RGN: variants seen among roughly 807,000 people sequenced by gnomAD.
RGN encodes the protein epididymis secretory protein Li 41.
A neutral mutation model predicts 20.6 loss-of-function variants in RGN; 19 were observed. That is an observed-to-expected ratio of 0.92 (90% CI 0.64 to 1.35). RGN has a LOEUF of 1.35. RGN is among the 40% of genes most tolerant of loss of function. The probability of loss-of-function intolerance (pLI) is 0.00; values close to 1 mark genes in which losing one functional copy is unlikely to be tolerated. For synonymous variants in RGN, 85 were observed against 87.2 expected, an observed-to-expected ratio of 0.97 and a Z score of 0.14; for missense variants, 302 against 232.7, an observed-to-expected ratio of 1.30 and a Z score of -1.94.
At position 47,087,705 on chromosome X, in the gene RGN, CAGG is replaced by C. The variant is rs782316910; in HGVS notation, c.347-2068_347-2066del. The C allele has an allele frequency of 3.7e-5, 4 of 107,854 alleles. No individual in the cohort carries two copies. In the East Asian group the frequency reaches 1.2e-3, roughly 31 times the overall value. The allele number at this position is 107,854 out of a possible 1,213,427, so 8.9% of individuals were successfully genotyped here. A position where few individuals can be genotyped will look rare whatever the true frequency, so the allele number is the denominator to read the frequency against. ...TCTAAGCATGGAGTCTCTGGGCCAT[CAGG>C]AGACCTCTTAAAATTGCAGGTGTCA... On this transcript the variant is annotated intron_variant, in intron 4 of 7. Coordinates refer to ENST00000397180, the MANE Select transcript of RGN (RefSeq NM_152869.4).
intron 3 of RGN, among the ~76,000 whole-genome samples, chrX:47,084,012 G>C (rs1433154263): frequency 9.0e-6 from 1 of 110,767 alleles, no homozygotes; most frequent in Non-Finnish European, 1.9e-5. Context: ...TTGTGTCTCT[G>C]AATTTTCTGG....
intron 4 of RGN, among the ~76,000 whole-genome samples, chrX:47,086,780 A>AGAGAGAGAGG (rs1217757247): frequency 1.0e-5 from 1 of 100,124 alleles, no homozygotes; most frequent in African/African-American, 4.1e-5. Flanking sequence ...AGAGAGAGAG[A>AGAGAGAGAGG]GAGAAAGAGA....
At position 47,081,252 on chromosome X, in the gene RGN, A is replaced by G. The variant is rs373577391; in HGVS notation, c.108A>G (p.Ala36=). ...CTCTGCTCTTTGTAGACATTCCTGCAAAAAAGGTTTGCCGGTGGGATTCAT... is the reference window on the plus strand; with the variant it reads ...CTCTGCTCTTTGTAGACATTCCTGCGAAAAAGGTTTGCCGGTGGGATTCAT... ...SNSLLFVDIP[A]KKVCRWDSFT... The change falls in exon 3 of 8, where the codon GCA becomes GCG. Residue 36 remains alanine (A), a synonymous_variant. Transcript: ENST00000397180. 8.3e-7 allele frequency: 1 copy of G among 1,207,753 alleles called. No individual in the cohort carries two copies. Among genetic ancestry groups the G allele is most frequent in the African/African-American group, 1.8e-5 (1 of 56,974 alleles).
chrX:47,079,534 G>A (rs945079567), intron 1 of RGN, among the ~76,000 whole-genome samples: 1 of 107,843 alleles, frequency 9.3e-6, no homozygotes, highest in South Asian at 4.1e-4. Context: ...GGGTTCAAAC[G>A]ATTCTCCTGC....
At chrX:47,090,909 GAAGAAGGAAAGAAAGAAAGA>G (rs1930929614) in intron 5 of RGN, among the ~76,000 whole-genome samples, 1 of 16,982 alleles carries the variant, frequency 5.9e-5, no homozygotes, top group Non-Finnish European at 1.5e-4. Context: ...AAGAAAGAAA[GAAGAAGGAAAGAAAGAAAGA>G]AAGAAAGAAA....
Position 47,093,154 on chromosome X carries a change from G to A in RGN, c.*207G>A, listed in dbSNP as rs181112823. ...CACACTTATAAGGCTTTCTGTAAAA[G>A]GTACTATAGAAGGGCGAAGAATCGT... On this transcript the variant is annotated 3_prime_UTR_variant, in exon 8 of 8. Transcript: ENST00000397180. The A allele has an allele frequency of 2.2e-4, 88 of 400,275 alleles. No individual in the cohort carries two copies. Among genetic ancestry groups the A allele is most frequent in the Admixed American group, 1.4e-3 (30 of 21,083 alleles). 33.0% of individuals were successfully genotyped at this position (400,275 alleles called of 1,213,427 possible).
At chrX:47,090,916 GA>G (rs1182293752) in intron 5 of RGN, among the ~76,000 whole-genome samples, 25 of 5,938 alleles carry the variant, frequency 4.2e-3, no homozygotes, top group African/African-American at 0.011. Context: ...AAAGAAGAAG[GA>G]AAGAAAGAAA....
At position 47,093,189 on chromosome X, in the gene RGN, AATCAGCCTCTTG is replaced by A; in HGVS notation, c.*245_*256del. 2.7e-6 allele frequency: 1 copy of A among 367,748 alleles called. No individual in the cohort carries two copies. The highest frequency in any genetic ancestry group is 4.7e-6 in the Non-Finnish European group (1 of 213,900). The allele number at this position is 367,748 out of a possible 1,213,427, so 30.3% of individuals were successfully genotyped here. ...AAGGGCGAAGAATCGTTCAACTGTC[AATCAGCCTCTTG>A]ATTCTTTGTAAATTGCCAGGGTGGG... On this transcript the variant is annotated 3_prime_UTR_variant, in exon 8 of 8. Transcript: ENST00000397180.
At chrX:47,089,721 C>G in intron 4 of RGN, 55 bp from the exon 5 acceptor site, 6 of 932,336 alleles carry the variant, frequency 6.4e-6, no homozygotes, top group Non-Finnish European at 9.0e-6. Context: ...AGGATGGTGT[C>G]GTGCATGGGG....
rs983258225 is a variant in RGN at position 47,093,229 on chromosome X, G to T, written c.*282G>T. On this transcript the variant is annotated 3_prime_UTR_variant, in exon 8 of 8. Transcript: ENST00000397180. ...TCTTTGTAAATTGCCAGGGTGGGTG[G>T]GTACATATCTCTTCTTGATTCTGCA... 6.7e-6 allele frequency: 2 copies of T among 299,454 alleles called. No individual in the cohort carries two copies. Among genetic ancestry groups the T allele is most frequent in the Non-Finnish European group, 1.2e-5 (2 of 173,563 alleles). 24.7% of individuals were successfully genotyped at this position (299,454 alleles called of 1,213,427 possible). A position where few individuals can be genotyped will look rare whatever the true frequency, so the allele number is the denominator to read the frequency against.
chrX:47,091,912 C>T lies in RGN; in HGVS notation c.694+103C>T, dbSNP rs1012431461. The T allele has an allele frequency of 1.6e-5, 17 of 1,045,844 alleles. No individual in the cohort carries two copies. The African/African-American group carries it at 3.2e-4, about 20-fold the overall frequency. 86.2% of individuals were successfully genotyped at this position (1,045,844 alleles called of 1,213,427 possible). A position where few individuals can be genotyped will look rare whatever the true frequency, so the allele number is the denominator to read the frequency against. On this transcript the variant is annotated intron_variant, in intron 6 of 7. Coordinates refer to ENST00000397180, the MANE Select transcript of RGN (RefSeq NM_152869.4). ...TTTCCTGTAGAGGTGCGACTTTTTG[C>T]TCAAAATAAATTGTCAGGGAAAGTA...
At chrX:47,084,737 T>C in intron 4 of RGN, 137 bp downstream of exon 4, 1 of 504,899 alleles carries the variant, frequency 2.0e-6, no homozygotes, top group Non-Finnish European at 3.2e-6. Flanking sequence ...GTAGGTCGCA[T>C]GAGCCCAGGA....
intron 4 of RGN, among the ~76,000 whole-genome samples, chrX:47,088,824 G>C (rs782687687): frequency 1.9e-5 from 2 of 105,456 alleles, no homozygotes; most frequent in South Asian, 8.9e-4. Context: ...AGTCCCAGCT[G>C]CTCAGAGGCG....
chrX:47,089,893 G>T lies in RGN; in HGVS notation c.464G>T (p.Gly155Val), dbSNP rs1556386689. 4.1e-6 allele frequency: 5 copies of T among 1,208,698 alleles called. No homozygotes were observed. Among genetic ancestry groups the T allele is most frequent in the Non-Finnish European group, 5.6e-6 (5 of 893,788 alleles). ...KYFDQVDISN[G>V]LDWSLDHKIF... ...TTTGACCAGGTGGACATTTCCAATG[G>T]TTTGGATTGGTCGCTAGACCACAAA... Residue 155 changes from glycine (G) to valine (V), a missense_variant, in exon 5 of 8, where the codon GGT (glycine) becomes GTT (valine). Coordinates refer to ENST00000397180, the MANE Select transcript of RGN (RefSeq NM_152869.4).
At chrX:47,091,903 G>A (rs1556388059) in intron 6 of RGN, 94 bp downstream of exon 6, 3 of 1,057,728 alleles carry the variant, frequency 2.8e-6, no homozygotes, top group East Asian at 3.0e-5. Context: ...GTAGAGGTGC[G>A]ACTTTTTGCT....
chrX:47,085,317 G>C (rs1449599303), intron 4 of RGN, among the ~76,000 whole-genome samples: 1 of 111,090 alleles, frequency 9.0e-6, no homozygotes, highest in Non-Finnish European at 1.9e-5. Flanking sequence ...CAGGAGATTT[G>C]AGACCATCCT....
At position 47,081,271 on chromosome X, in the gene RGN, G is replaced by T. The variant is rs1930288280; in HGVS notation, c.127G>T (p.Asp43Tyr). 1 of 1,210,938 alleles carries T rather than the reference G, an allele frequency of 8.3e-7. No homozygotes were observed. Reference protein sequence around the residue: ...DIPAKKVCRWDSFTKQVQRVT... With the variant: ...DIPAKKVCRWYSFTKQVQRVT... ...TCCTGCAAAAAAGGTTTGCCGGTGGGATTCATTCACCAAGCAAGTACAGCG... is the reference window on the plus strand; with the variant it reads ...TCCTGCAAAAAAGGTTTGCCGGTGGTATTCATTCACCAAGCAAGTACAGCG... The change falls in exon 3 of 8, where the codon GAT becomes TAT. Residue 43 changes from aspartate (D) to tyrosine (Y), a missense_variant. Coordinates refer to ENST00000397180, the MANE Select transcript of RGN (RefSeq NM_152869.4).
intron 3 of RGN, among the ~76,000 whole-genome samples, chrX:47,081,875 C>T (rs1930340308): frequency 1.8e-5 from 2 of 111,984 alleles, no homozygotes; most frequent in African/African-American, 6.5e-5. Flanking sequence ...GATGCTGGGG[C>T]ACTCTAGTTC....
At chrX:47,088,186 G>A (rs1264931804) in intron 4 of RGN, among the ~76,000 whole-genome samples, 3 of 106,704 alleles carry the variant, frequency 2.8e-5, no homozygotes, top group Non-Finnish European at 3.8e-5. Flanking sequence ...TAGTCTAGAT[G>A]GATTCTCAAG....
Sources: gnomAD v4.1 joint callset for allele counts (sites outside exome capture counted in the v4.1 genomes callset) on GRCh38, gnomAD v4.1.1 for gene constraint, MANE v1.5 for transcripts, NCBI Gene and HGNC (gene_info 2026-07-23, HGNC 2026-07-21) for gene names.